The following FRMD3 variants were observed in gnomAD, a reference collection of about 807,000 sequenced individuals.
FRMD3 encodes the protein FERM domain containing 3.
In FRMD3, 33 loss-of-function variants were observed where a neutral mutation model predicts 70.2. That is an observed-to-expected ratio of 0.47 (90% CI 0.36 to 0.63). The LOEUF (loss-of-function observed/expected upper bound fraction) is 0.63, where lower values mean the gene tolerates loss of function less well. FRMD3 is among the 20% of genes least tolerant of loss of function. FRMD3 has a pLI of 0.00. For synonymous variants in FRMD3, 279 were observed against 255.9 expected (o/e 1.09, Z -0.86); for missense variants, 632 against 711.4 (o/e 0.89, Z 1.27).
At chr9:83,332,378 TTC>T (rs374456214) in intron 6 of FRMD3, among the ~76,000 whole-genome samples, 31 of 143,022 alleles carry the variant, frequency 2.2e-4, no homozygotes, top group African/African-American at 3.1e-4. Context: ...CTCTCTCTCT[TTC>T]TCTCTCTCTC....
intron 10 of FRMD3, among the ~76,000 whole-genome samples, chr9:83,304,939 A>G (rs1418806855): frequency 6.6e-6 from 1 of 152,194 alleles, no homozygotes; most frequent in Non-Finnish European, 1.5e-5. Flanking sequence ...TCCCAGGCAG[A>G]TCTCAGAGCC....
intron 13 of FRMD3, among the ~76,000 whole-genome samples, chr9:83,254,859 G>A (rs1220017413): frequency 6.6e-6 from 1 of 152,134 alleles, no homozygotes; most frequent in Non-Finnish European, 1.5e-5. Flanking sequence ...ATCAATAATG[G>A]TTCTGAAATT....
At chr9:83,353,289 G>A (rs11140043) in intron 3 of FRMD3, among the ~76,000 whole-genome samples, 1 of 72,534 alleles carries the variant, frequency 1.4e-5, no homozygotes, top group African/African-American at 4.7e-5. Context: ...GGGTGGGGGA[G>A]GGGGGGCACT....
At chr9:83,341,132 C>G (rs1350327262) in intron 5 of FRMD3, among the ~76,000 whole-genome samples, 1 of 152,176 alleles carries the variant, frequency 6.6e-6, no homozygotes, top group Admixed American at 6.5e-5. Flanking sequence ...TTGTGAATGA[C>G]CTGCAGTGCT....
intron 13 of FRMD3, among the ~76,000 whole-genome samples, chr9:83,273,178 T>C (rs1833668962): frequency 1.3e-5 from 2 of 152,376 alleles, no homozygotes; most frequent in African/African-American, 4.8e-5. Context: ...ATGGTGGTTT[T>C]GTCGAATAGA....
At chr9:83,372,096 G>A (rs999705441) in intron 3 of FRMD3, among the ~76,000 whole-genome samples, 2 of 152,170 alleles carry the variant, frequency 1.3e-5, no homozygotes, top group African/African-American at 4.8e-5. Context: ...CTGCATTTCA[G>A]AGCCCTGGGA....
In FRMD3 at chr9:83,374,387, A is replaced by T. The variant is rs562231878; in HGVS notation, c.253-1432T>A. ...CAACATTATGGAAAGTCACACACAC[A>T]AAAAAACATATATTTACCCCGACCA... On this transcript the variant is annotated intron_variant, in intron 2 of 13. Coordinates refer to ENST00000304195, the MANE Select transcript of FRMD3 (RefSeq NM_174938.6). 3.1e-5 allele frequency among the ~76,000 whole-genome samples: 4 copies of T among 128,658 alleles called. No individual in the cohort carries two copies. The East Asian group carries it at 6.2e-4, about 20-fold the overall frequency. The allele number at this position is 128,658 out of a possible 152,430, so 84.4% of individuals were successfully genotyped here.
intron 1 of FRMD3, chr9:83,467,664 A>G: frequency 6.5e-7 from 1 of 1,535,290 alleles, no homozygotes; most frequent in East Asian, 2.4e-5. Context: ...GCCAAGACAA[A>G]AAGGATTTGC....
At chr9:83,570,842 A>T in the FRMD3 span, among the ~76,000 whole-genome samples, 2 of 152,184 alleles carry the variant, frequency 1.3e-5, no homozygotes, top group East Asian at 3.9e-4. Context: ...GCAAGAAATG[A>T]TGGTGGTTTG....
At chr9:83,331,960 G>C in intron 6 of FRMD3, 1 of 706,008 alleles carries the variant, frequency 1.4e-6, no homozygotes. Flanking sequence ...CCGAAATGAA[G>C]CATGACCTTC....
chr9:83,502,156 T>C (rs939255214), intron 1 of FRMD3, among the ~76,000 whole-genome samples: 7 of 152,184 alleles, frequency 4.6e-5, no homozygotes, highest in Admixed American at 2.0e-4. Flanking sequence ...TACCTAAGCA[T>C]GCGCCACTTC....
At chr9:83,291,565 C>A (rs574810487) in intron 12 of FRMD3, among the ~76,000 whole-genome samples, 1 of 151,642 alleles carries the variant, frequency 6.6e-6, no homozygotes, top group East Asian at 1.9e-4. Flanking sequence ...CCAATGCACA[C>A]AGTCTCTCTC....
At chr9:83,317,270 A>G (rs1835623035) in intron 6 of FRMD3, among the ~76,000 whole-genome samples, 1 of 151,856 alleles carries the variant, frequency 6.6e-6, no homozygotes, top group African/African-American at 2.4e-5. Context: ...GGGACAAAGC[A>G]GTCAAAATAC....
chr9:83,280,376 C>T (rs961348529), intron 13 of FRMD3, among the ~76,000 whole-genome samples: 4 of 152,282 alleles, frequency 2.6e-5, no homozygotes, highest in East Asian at 3.9e-4. Flanking sequence ...GGTCACCATA[C>T]GATGCTTAAA....
At chr9:83,569,449 C>T in the FRMD3 span, among the ~76,000 whole-genome samples, 1 of 152,236 alleles carries the variant, frequency 6.6e-6, no homozygotes, top group Admixed American at 6.5e-5. Context: ...GGAGCTGAGG[C>T]TGAGAGCATG....
chr9:83,283,960 T>C (rs920977740), intron 13 of FRMD3, among the ~76,000 whole-genome samples: 20 of 152,110 alleles, frequency 1.3e-4, no homozygotes, highest in African/African-American at 4.1e-4. Context: ...ATTTTAAGAA[T>C]TTAGTATACT....
chr9:83,437,164 T>G (rs753441998), intron 1 of FRMD3, among the ~76,000 whole-genome samples: 12 of 152,240 alleles, frequency 7.9e-5, no homozygotes, highest in Non-Finnish European at 1.5e-4. Context: ...TCGGCTTGAC[T>G]TAATATTTGC....
chr9:83,422,648 G>C (rs1439446707), intron 1 of FRMD3, among the ~76,000 whole-genome samples: 1 of 152,176 alleles, frequency 6.6e-6, no homozygotes, highest in Non-Finnish European at 1.5e-5. Flanking sequence ...GTGGGAGGGA[G>C]GGACAAATGA....
chr9:83,450,370 T>TTTTTTTTA (rs60674885), intron 1 of FRMD3, among the ~76,000 whole-genome samples: 2 of 120,750 alleles, frequency 1.7e-5, no homozygotes, highest in Admixed American at 8.8e-5. Flanking sequence ...TTTTTTTTTT[T>TTTTTTTTA]ATTATACTCT....
Sources: allele counts gnomAD v4.1 joint callset (sites outside exome capture counted in the v4.1 genomes callset), GRCh38; gene constraint gnomAD v4.1.1; transcripts MANE v1.5; gene names NCBI Gene and HGNC (gene_info 2026-07-23, HGNC 2026-07-21).